CACNG4: variants seen among roughly 807,000 people sequenced by gnomAD.
CACNG4 encodes calcium voltage-gated channel auxiliary subunit gamma 4.
A neutral mutation model predicts 22.9 loss-of-function variants in CACNG4; 8 were observed. The observed-to-expected ratio is 0.35, with a 90% CI of 0.21 to 0.63. The LOEUF (loss-of-function observed/expected upper bound fraction) is 0.63, where lower values mean the gene tolerates loss of function less well. CACNG4 is among the 30% of genes least tolerant of loss of function. CACNG4 has a pLI of 0.72. For synonymous variants in CACNG4, 188 were observed against 191.9 expected, an observed-to-expected ratio of 0.98 and a Z score of 0.17; for missense variants, 357 against 455.4, an observed-to-expected ratio of 0.78 and a Z score of 1.97.
chr17:66,986,072 G>A (rs987599959), intron 1 of CACNG4, among the ~76,000 whole-genome samples: 1 of 152,250 alleles, frequency 6.6e-6, no homozygotes, highest in African/African-American at 2.4e-5. Context: ...CCGGCCCTGA[G>A]CCAGCTCCTG....
In CACNG4 at chr17:67,000,427, A is replaced by T. The variant is rs577267349; in HGVS notation, c.221-17762A>T. 6.2e-4 allele frequency among the ~76,000 whole-genome samples: 94 copies of T among 151,004 alleles called. 1 individual carries two copies. Among genetic ancestry groups the T allele is most frequent in the South Asian group, 8.4e-4 (4 of 4,780 alleles). ...ATTTTATTTACTGTTTTTTTTTTTT[A>T]AATGCAAGCAAAAGCCTCAAGCCTT... On this transcript the variant is annotated intron_variant, in intron 1 of 3. Transcript: ENST00000262138.
intron 1 of CACNG4, among the ~76,000 whole-genome samples, chr17:66,988,049 G>T (rs976120235): frequency 2.3e-4 from 34 of 146,160 alleles, no homozygotes; most frequent in African/African-American, 9.2e-4. Flanking sequence ...GTGTGTGTGT[G>T]TGTGTATATA....
At chr17:67,001,667 G>A (rs563878547) in intron 1 of CACNG4, among the ~76,000 whole-genome samples, 20 of 152,304 alleles carry the variant, frequency 1.3e-4, no homozygotes, top group Non-Finnish European at 2.8e-4. Flanking sequence ...ACCTCTTAAT[G>A]TGTCAGCGCT....
In CACNG4 at chr17:67,031,558, G is replaced by A. The variant is rs1193413836; in HGVS notation, c.*554G>A. 2.2e-6 allele frequency: 1 copy of A among 456,872 alleles called. No homozygotes were observed. Among genetic ancestry groups the A allele is most frequent in the Non-Finnish European group, 4.4e-6 (1 of 227,038 alleles). 28.3% of individuals were successfully genotyped at this position (456,872 alleles called of 1,614,324 possible). ...ATCTCTCCCTCTCTCCAAGACTCTGGCAGTGGCCTATGATCCTGAAGACAG... is the reference window on the plus strand; with the variant it reads ...ATCTCTCCCTCTCTCCAAGACTCTGACAGTGGCCTATGATCCTGAAGACAG... On this transcript the variant is annotated 3_prime_UTR_variant, in exon 4 of 4. Transcript: ENST00000262138. This position sits in a 1 kb window ranked among gnomAD's most constrained non-coding sequence, Gnocchi z 4.0.
Position 66,964,883 on chromosome 17 carries a change from G to T in CACNG4, c.-29G>T, listed in dbSNP as rs1471818128. ...GCGGGCGGGCGCGGCGGGCCGGGCC[G>T]GCGGGCGGCGGACTATGAGGCGCCC... On this transcript the variant is annotated 5_prime_UTR_variant, in exon 1 of 4. Coordinates refer to ENST00000262138, the MANE Select transcript of CACNG4 (RefSeq NM_014405.4). 1.6e-6 allele frequency: 2 copies of T among 1,256,352 alleles called. No homozygotes were observed. Among genetic ancestry groups the T allele is most frequent in the Non-Finnish European group, 2.0e-6 (2 of 984,900 alleles). 77.8% of individuals were successfully genotyped at this position (1,256,352 alleles called of 1,614,324 possible). A position where few individuals can be genotyped will look rare whatever the true frequency, so the allele number is the denominator to read the frequency against.
rs938917641 is a variant in CACNG4 at position 66,990,826 on chromosome 17, G to A, written c.220+25695G>A. ...CTCCTGAGTAGCTGGGACTACAGGC[G>A]CCCGCCACCATGCCCGGCTAATTTT... is the stretch of plus-strand genomic sequence containing the variant. On this transcript the variant is annotated intron_variant, in intron 1 of 3. Coordinates refer to ENST00000262138, the MANE Select transcript of CACNG4 (RefSeq NM_014405.4). Among the ~76,000 whole-genome samples, 26 of 151,958 alleles carry A rather than the reference G, an allele frequency of 1.7e-4. 1 individual carries two copies. The East Asian group carries it at 3.1e-3, about 18-fold the overall frequency.
At chr17:67,026,210 T>C (rs946933626) in intron 3 of CACNG4, among the ~76,000 whole-genome samples, 3 of 145,720 alleles carry the variant, frequency 2.1e-5, no homozygotes, top group Admixed American at 1.4e-4. Flanking sequence ...AGGACTGTGG[T>C]GTGTTTGTGT....
At chr17:67,021,166 A>C (rs1033277501) in intron 2 of CACNG4, among the ~76,000 whole-genome samples, 1 of 152,022 alleles carries the variant, frequency 6.6e-6, no homozygotes, top group Non-Finnish European at 1.5e-5. Context: ...GTGCCACTGC[A>C]CTCCAGCCTG....
At position 66,992,810 on chromosome 17, in the gene CACNG4, CT is replaced by C. The variant is rs529568989; in HGVS notation, c.221-25377del. Reference sequence around the variant, plus strand: ...GGCCCTTCCTGAGTGTCATTTCGCACTTGTGATTGTGTGTTATTTTTCTTTA... The same window carrying C: ...GGCCCTTCCTGAGTGTCATTTCGCACTGTGATTGTGTGTTATTTTTCTTTA... On this transcript the variant is annotated intron_variant, in intron 1 of 3. Coordinates refer to ENST00000262138, the MANE Select transcript of CACNG4 (RefSeq NM_014405.4). 1.2e-3 allele frequency among the ~76,000 whole-genome samples: 181 copies of C among 152,384 alleles called. 1 individual carries two copies. The highest frequency in any genetic ancestry group is 4.3e-3 in the South Asian group (21 of 4,832).
chr17:67,030,342 TAAAG>T lies in CACNG4; in HGVS notation c.446-120_446-117del, dbSNP rs2035595283. Reference sequence around the variant, plus strand: ...TGAAAAGAAAAATTAGCAACCAGAATAAAGAAATACTCATCAGAGAGGGGAGTGT... The same window carrying T: ...TGAAAAGAAAAATTAGCAACCAGAATAAATACTCATCAGAGAGGGGAGTGT... On this transcript the variant is annotated intron_variant, in intron 3 of 3. Coordinates refer to ENST00000262138, the MANE Select transcript of CACNG4 (RefSeq NM_014405.4). The surrounding 1 kb of genome is among the most constrained non-coding windows in gnomAD (Gnocchi z 6.4). 3 of 796,736 alleles carry T rather than the reference TAAAG, an allele frequency of 3.8e-6. No individual in the cohort carries two copies. Among genetic ancestry groups the T allele is most frequent in the Admixed American group, 2.3e-5 (1 of 43,208 alleles). 49.4% of individuals were successfully genotyped at this position (796,736 alleles called of 1,614,324 possible).
chr17:66,973,990 A>G (rs574184631), intron 1 of CACNG4, among the ~76,000 whole-genome samples: 3 of 152,200 alleles, frequency 2.0e-5, no homozygotes, highest in Non-Finnish European at 4.4e-5. Flanking sequence ...ACTTCTTCCA[A>G]TGAAAAACTT....
At position 67,031,017 on chromosome 17, in the gene CACNG4, T is replaced by G; in HGVS notation, c.*13T>G. The G allele has an allele frequency of 1.2e-6, 2 of 1,602,208 alleles. No homozygotes were observed. Among genetic ancestry groups the G allele is most frequent in the South Asian group, 2.2e-5 (2 of 89,512 alleles). The stretch of plus-strand genomic sequence containing the variant: ...GACCCCTGTGTGAGCCGCCTGCCCT[T>G]TCTCTCCGCTCCAGCCTCTCCCCAG... On this transcript the variant is annotated 3_prime_UTR_variant, in exon 4 of 4. Coordinates refer to ENST00000262138, the MANE Select transcript of CACNG4 (RefSeq NM_014405.4). This position sits in a 1 kb window ranked among gnomAD's most constrained non-coding sequence, Gnocchi z 4.0.
chr17:66,973,730 C>A lies in CACNG4; in HGVS notation c.220+8599C>A, dbSNP rs559402716. On this transcript the variant is annotated intron_variant, in intron 1 of 3. Transcript: ENST00000262138. ...GCCCTCCATGACAGCCTCCCCTCAACAAGGATGCTCTCTCCAGCGGGTGCA... is the reference window on the plus strand; with the variant it reads ...GCCCTCCATGACAGCCTCCCCTCAAAAAGGATGCTCTCTCCAGCGGGTGCA... Among the ~76,000 whole-genome samples, 7 of 152,328 alleles carry A rather than the reference C, an allele frequency of 4.6e-5. No individual in the cohort carries two copies. The East Asian group carries it at 1.2e-3, about 25-fold the overall frequency.
chr17:67,011,624 GGAAT>G (rs67913831), intron 1 of CACNG4, among the ~76,000 whole-genome samples: 4,359 of 147,280 alleles, frequency 0.03, 92 homozygotes, highest in Admixed American at 0.039. Context: ...ATGCTCTTGA[GGAAT>G]GAATGAATGA....
At chr17:66,995,805 G>A (rs924384545) in intron 1 of CACNG4, among the ~76,000 whole-genome samples, 3 of 152,116 alleles carry the variant, frequency 2.0e-5, no homozygotes, top group South Asian at 2.1e-4. Context: ...AGCCAAGATC[G>A]TGCCACTGCA....
chr17:67,015,284 A>C (rs936351311), intron 1 of CACNG4, among the ~76,000 whole-genome samples: 1 of 152,194 alleles, frequency 6.6e-6, no homozygotes, highest in Non-Finnish European at 1.5e-5. Flanking sequence ...CAAAGCTTAC[A>C]TGCTGTATCA....
chr17:67,009,721 G>C (rs1442066025), intron 1 of CACNG4, among the ~76,000 whole-genome samples: 2 of 152,140 alleles, frequency 1.3e-5, no homozygotes, highest in African/African-American at 4.8e-5. Flanking sequence ...TGGCTTCCTG[G>C]TTTATAGACG....
chr17:66,999,980 G>A (rs1367381437), intron 1 of CACNG4, among the ~76,000 whole-genome samples: 2 of 152,150 alleles, frequency 1.3e-5, no homozygotes, highest in Non-Finnish European at 2.9e-5. Context: ...TGGGGATGGT[G>A]GGTAATAGAT....
chr17:67,016,894 G>A (rs1598121306), intron 1 of CACNG4, among the ~76,000 whole-genome samples: 1 of 152,020 alleles, frequency 6.6e-6, no homozygotes, highest in African/African-American at 2.4e-5. Context: ...AGCTACCCAG[G>A]GGTCTGGCCC....
Sources: allele counts gnomAD v4.1 joint callset (sites outside exome capture counted in the v4.1 genomes callset), GRCh38; gene constraint gnomAD v4.1.1; non-coding constraint Gnocchi (gnomAD v3.1); transcripts MANE v1.5; gene names NCBI Gene and HGNC (gene_info 2026-07-23, HGNC 2026-07-21).